MUC22: variants seen among roughly 807,000 people sequenced by gnomAD.
The protein encoded by MUC22 is mucin-22.
In MUC22, 24 loss-of-function variants were observed where a neutral mutation model predicts 40.3. That is an observed-to-expected ratio of 0.60 (90% CI 0.43 to 0.84). The LOEUF is 0.84. Ranked by LOEUF, MUC22 falls within the 40% of genes least tolerant of loss-of-function variation. MUC22 has a pLI of 0.00. For synonymous variants in MUC22, 765 were observed against 844.5 expected, an observed-to-expected ratio of 0.91 and a Z score of 1.63; for missense variants, 1,926 against 2,130.7, an observed-to-expected ratio of 0.90 and a Z score of 1.89.
Position 31,028,366 on chromosome 6 carries a change from A to T in MUC22, c.2935A>T (p.Ile979Phe), listed in dbSNP as rs968276429. The T allele has an allele frequency of 2.6e-6, 4 of 1,534,044 alleles. No individual in the cohort carries two copies. In the East Asian group the frequency reaches 9.8e-5, roughly 38 times the overall value. Residue 979 changes from isoleucine to phenylalanine, a missense_variant, in exon 2 of 4, where the codon ATC becomes TTC. By Grantham distance (21) the Ile-to-Phe change is conservative. Around this residue, in one of 3 missense-constraint regions of MUC22, gnomAD observed 1,281 missense variants for 1,337.8 expected, o/e 0.96. Transcript: ENST00000561890. The stretch of plus-strand genomic sequence containing the variant: ...AGGCTCTGAGATTACTACAGCCTCC[A>T]TCACAGGCTCTGAGACCACCACAGC...
intron 1 of MUC22, among the ~76,000 whole-genome samples, chr6:31,016,990 C>T (rs1268080494): frequency 6.6e-6 from 1 of 152,222 alleles, no homozygotes; most frequent in African/African-American, 2.4e-5. Flanking sequence ...GCAGTGCCAG[C>T]GGGTGCTGCG....
rs561756029 is a variant in MUC22, at chr6:31,017,150, G to A, written c.70+6374G>A. Among the ~76,000 whole-genome samples, 10 of 152,340 alleles carry A rather than the reference G, an allele frequency of 6.6e-5. No homozygotes were observed. The East Asian group carries it at 7.7e-4, about 12-fold the overall frequency. On this transcript the variant is annotated intron_variant, in intron 1 of 3. Transcript: ENST00000561890. ...CGCTGCCCCTTGCTTTGCGGCACCC[G>A]GTCCCATAGACTGCCCAAGGGCTGA...
At chr6:31,022,299 A>G (rs1764883184) in intron 1 of MUC22, among the ~76,000 whole-genome samples, 1 of 152,134 alleles carries the variant, frequency 6.6e-6, no homozygotes, top group Non-Finnish European at 1.5e-5. Context: ...CTGGGATTAC[A>G]GGCATGTAAT....
At chr6:31,030,039 G>C (rs12110470) in exon 2 of MUC22, 2 of 1,535,290 alleles carry the variant, frequency 1.3e-6, no homozygotes, top group African/African-American at 1.4e-5. Flanking sequence ...CTTCCACCAC[G>C]TTTGTACTCA....
At chr6:31,012,293 CT>C (rs1267870385) in intron 1 of MUC22, among the ~76,000 whole-genome samples, 2 of 152,192 alleles carry the variant, frequency 1.3e-5, no homozygotes, top group Non-Finnish European at 2.9e-5. Flanking sequence ...TCTGGATTCG[CT>C]CCCTCGCCCG....
chr6:31,033,660 G>A (rs1766241749), intron 3 of MUC22, among the ~76,000 whole-genome samples: 1 of 152,206 alleles, frequency 6.6e-6, no homozygotes, highest in Non-Finnish European at 1.5e-5. Flanking sequence ...ACAAGAGATT[G>A]TGCAGTTCTT....
intron 3 of MUC22, among the ~76,000 whole-genome samples, chr6:31,033,918 A>G (rs1196602788): frequency 1.3e-5 from 2 of 152,236 alleles, no homozygotes; most frequent in African/African-American, 4.8e-5. Context: ...CTCTCTCCGT[A>G]TGTGGACTAC....
intron 1 of MUC22, among the ~76,000 whole-genome samples, chr6:31,021,201 G>A (rs1251017744): frequency 6.6e-6 from 1 of 152,264 alleles, no homozygotes. Context: ...TGGTGAGGAC[G>A]TGGAGAGTCT....
intron 1 of MUC22, among the ~76,000 whole-genome samples, chr6:31,012,973 G>A (rs1272320049): frequency 6.6e-6 from 1 of 151,896 alleles, no homozygotes; most frequent in African/African-American, 2.4e-5. Flanking sequence ...CACCAAGCAA[G>A]ATCTTGATTC....
At chr6:31,025,305 T>G (rs1469250357) in intron 1 of MUC22, among the ~76,000 whole-genome samples, 197 bp from the exon 2 acceptor site, 3 of 152,224 alleles carry the variant, frequency 2.0e-5, no homozygotes, top group Non-Finnish European at 4.4e-5. Flanking sequence ...TCTTCTTTAC[T>G]AAATTATAAG....
intron 1 of MUC22, among the ~76,000 whole-genome samples, chr6:31,025,067 C>T (rs927535168): frequency 2.0e-4 from 30 of 151,038 alleles, no homozygotes; most frequent in African/African-American, 5.6e-4. Flanking sequence ...TGGGGTTTCT[C>T]CATATTGGTC....
intron 1 of MUC22, 54 bp from the exon 2 acceptor site, chr6:31,025,448 C>A: frequency 2.8e-6 from 4 of 1,443,248 alleles, no homozygotes; most frequent in Non-Finnish European, 2.7e-6. Flanking sequence ...CTATACTAAA[C>A]CTGCAAATTC....
intron 1 of MUC22, among the ~76,000 whole-genome samples, chr6:31,022,145 C>T (rs939705676): frequency 2.6e-5 from 4 of 152,138 alleles, no homozygotes; most frequent in Non-Finnish European, 5.9e-5. Context: ...TCAGAAGGAG[C>T]AAACTCCAGA....
intron 3 of MUC22, among the ~76,000 whole-genome samples, chr6:31,033,101 G>C (rs1435163717): frequency 2.6e-5 from 4 of 152,134 alleles, no homozygotes; most frequent in Admixed American, 6.5e-5. Context: ...GGAGATGGAG[G>C]TTGCAGTGAG....
exon 2 of MUC22, chr6:31,029,059 G>T (rs865986941): frequency 8.3e-7 from 1 of 1,209,124 alleles, no homozygotes; most frequent in African/African-American, 1.7e-5. Context: ...CACAGTCTCT[G>T]CTGAAGGCTC....
chr6:31,018,599 T>C (rs982405386), intron 1 of MUC22, among the ~76,000 whole-genome samples: 1 of 152,272 alleles, frequency 6.6e-6, no homozygotes, highest in African/African-American at 2.4e-5. Flanking sequence ...TTCTCTACTT[T>C]TTATTCTTCT....
chr6:31,028,919 C>G, exon 2 of MUC22: 1 of 1,519,160 alleles, frequency 6.6e-7, no homozygotes, highest in Non-Finnish European at 8.8e-7. Context: ...ACTGAAGGCT[C>G]TGAGATCACT....
chr6:31,032,237 G>A lies in MUC22; in HGVS notation c.4711G>A (p.Val1571Ile), dbSNP rs763083834. The change falls in exon 3 of 4, where the codon GTC becomes ATC. Residue 1571 changes from valine to isoleucine, a missense_variant. Around this residue, in one of 3 missense-constraint regions of MUC22, gnomAD observed 610 missense variants for 714.6 expected, o/e 0.85. Coordinates refer to ENST00000561890, the Ensembl canonical transcript of MUC22. The surrounding 1 kb of genome is among the most constrained non-coding windows in gnomAD (Gnocchi z 4.1). ...AACCAGACTCACTGCCTCCAGCTCT[G>A]TCACCATGGCCCCTGGAATGGACTT... 8.5e-6 allele frequency: 13 copies of A among 1,535,508 alleles called. No individual in the cohort carries two copies. Among genetic ancestry groups the A allele is most frequent in the Non-Finnish European group, 1.1e-5 (13 of 1,146,846 alleles).
At chr6:31,019,571 G>C (rs1764518564) in intron 1 of MUC22, among the ~76,000 whole-genome samples, 1 of 152,230 alleles carries the variant, frequency 6.6e-6, no homozygotes, top group Non-Finnish European at 1.5e-5. Flanking sequence ...AAACTGAACT[G>C]GGCCGGGTGC....
Sources: gnomAD v4.1 joint callset for allele counts (sites outside exome capture counted in the v4.1 genomes callset) on GRCh38, gnomAD v4.1.1 for gene constraint, gnomAD v4.1.1 regional missense constraint, Gnocchi (gnomAD v3.1) non-coding constraint, MANE v1.5 for transcripts, NCBI Gene and HGNC (gene_info 2026-07-23, HGNC 2026-07-21) for gene names.